Variants in PFKFB3 observed in about 807,000 individuals in gnomAD.
PFKFB3 encodes 6-phosphofructo-2-kinase/fructose-2,6-biphosphatase 3, also known as 6-phosphofructo-2-kinase/fructose-2,6-bisphosphatase 3.
Under a neutral mutation model 68.0 loss-of-function variants are expected in PFKFB3, and 33 were observed. The observed-to-expected ratio is 0.49, with a 90% CI of 0.37 to 0.65. PFKFB3 has a LOEUF of 0.65. Among genes scored for constraint, PFKFB3 ranks in the 30% least tolerant of loss-of-function variants. The pLI is 0.00. For missense variants in PFKFB3, 586 were observed against 712.2 expected, an observed-to-expected ratio of 0.82 and a Z score of 2.02; for synonymous variants, 315 against 288.2, an observed-to-expected ratio of 1.09 and a Z score of -0.94.
intron 1 of PFKFB3, among the ~76,000 whole-genome samples, chr10:6,159,981 A>G (rs1312619732): frequency 1.0e-4 from 15 of 149,762 alleles, no homozygotes; most frequent in African/African-American, 3.4e-4. Flanking sequence ...CTGGTCTTGA[A>G]CTCCTAGACT....
rs913885321 is a variant in PFKFB3, at chr10:6,228,916, C to T, written c.1515+2551C>T. 3.3e-5 allele frequency among the ~76,000 whole-genome samples: 5 copies of T among 152,214 alleles called. No homozygotes were observed. Among genetic ancestry groups the T allele is most frequent in the Non-Finnish European group, 7.3e-5 (5 of 68,036 alleles). ...TGCAGAGTTTCAGGTTCAGCCTTAG[C>T]TCTGGCAGCCACTGGGTAGCTGGGG... On this transcript the variant is annotated intron_variant, in intron 14 of 14. Transcript: ENST00000379775. This position sits in a 1 kb window ranked among gnomAD's most constrained non-coding sequence, Gnocchi z 4.5.
chr10:6,188,002 C>CAT (rs35827719), intron 1 of PFKFB3, among the ~76,000 whole-genome samples: 6,725 of 148,180 alleles, frequency 0.045, 191 homozygotes, highest in Middle Eastern at 0.079. Context: ...TACCTACCTA[C>CAT]ATATATATAT....
intron 1 of PFKFB3, among the ~76,000 whole-genome samples, chr10:6,156,645 GC>G (rs1841809365): frequency 6.7e-6 from 1 of 149,700 alleles, no homozygotes; most frequent in African/African-American, 2.5e-5. Flanking sequence ...CCACCACCAT[GC>G]CCGGCTAATT....
At chr10:6,254,414 C>A (rs1846457044) in exon 15 of PFKFB3, 1 of 398,436 alleles carries the variant, frequency 2.5e-6, no homozygotes, top group Non-Finnish European at 4.4e-6. Context: ...CTGCTGAGGA[C>A]TCTGAGAAGC....
intron 1 of PFKFB3, among the ~76,000 whole-genome samples, chr10:6,211,797 CCTGT>C (rs891912822): frequency 1.1e-4 from 16 of 152,238 alleles, no homozygotes; most frequent in African/African-American, 3.9e-4. Context: ...CTGCTGATAG[CCTGT>C]CTGTCTCCTT....
At chr10:6,312,279 C>T in the PFKFB3 span, among the ~76,000 whole-genome samples, 1 of 151,320 alleles carries the variant, frequency 6.6e-6, no homozygotes, top group Non-Finnish European at 1.5e-5. Context: ...TTCTATCTAC[C>T]AGGATAATTT....
At chr10:6,213,229 G>GA (rs1844346490) in intron 1 of PFKFB3, among the ~76,000 whole-genome samples, 1 of 152,150 alleles carries the variant, frequency 6.6e-6, no homozygotes, top group East Asian at 1.9e-4. Context: ...AGGATGGGGA[G>GA]ATGAAATGAA....
At chr10:6,316,765 G>A in the PFKFB3 span, among the ~76,000 whole-genome samples, 1 of 152,126 alleles carries the variant, frequency 6.6e-6, no homozygotes, top group East Asian at 1.9e-4. Flanking sequence ...ACCTGGCCAA[G>A]CTTTTTCTTA....
chr10:6,155,306 C>A (rs1270863951), intron 1 of PFKFB3, among the ~76,000 whole-genome samples: 1 of 150,926 alleles, frequency 6.6e-6, no homozygotes, highest in African/African-American at 2.4e-5. Context: ...GGGTTCATGC[C>A]ATTCTCCTGC....
At chr10:6,158,986 A>G (rs1841891442) in intron 1 of PFKFB3, among the ~76,000 whole-genome samples, 1 of 152,184 alleles carries the variant, frequency 6.6e-6, no homozygotes, top group Non-Finnish European at 1.5e-5. Flanking sequence ...TACACAGCAC[A>G]AATGCACTTT....
intron 14 of PFKFB3, chr10:6,231,473 A>T: frequency 1.0e-6 from 1 of 984,520 alleles, no homozygotes. Flanking sequence ...TCTGTCTCTC[A>T]CCCCCCACGT....
chr10:6,237,327 G>A (rs937585048), downstream of PFKFB3, among the ~76,000 whole-genome samples: 1 of 152,252 alleles, frequency 6.6e-6, no homozygotes, highest in Non-Finnish European at 1.5e-5. Context: ...GACCTGGCCC[G>A]CAGTGGGCTC....
intron 4 of PFKFB3, 146 bp downstream of exon 4, chr10:6,216,337 A>C (rs2516622): frequency 0.97 from 744,201 of 769,182 alleles, 363,832 homozygotes; most frequent in East Asian, 1. Flanking sequence ...CTCAGGAAGG[A>C]GGATGTGGGG....
At chr10:6,323,602 CAT>C in the PFKFB3 span, among the ~76,000 whole-genome samples, 317 of 152,304 alleles carry the variant, frequency 2.1e-3, 1 homozygote, top group African/African-American at 7.4e-3. Context: ...AAAATTTTCA[CAT>C]ACAGATTGAG....
intron 8 of PFKFB3, 130 bp from the exon 9 acceptor site, chr10:6,221,251 C>T (rs1844936520): frequency 1.4e-5 from 14 of 1,032,016 alleles, no homozygotes; most frequent in Non-Finnish European, 1.5e-5. Context: ...CTGTGGCTGT[C>T]CCAGTGGCCT....
intron 1 of PFKFB3, among the ~76,000 whole-genome samples, chr10:6,146,673 T>G (rs918473552): frequency 6.6e-6 from 1 of 152,222 alleles, no homozygotes; most frequent in African/African-American, 2.4e-5. Context: ...TTCTGTTTAC[T>G]TGTGCGCTCA....
At chr10:6,205,001 T>C (rs1843590004) in intron 1 of PFKFB3, among the ~76,000 whole-genome samples, 1 of 152,222 alleles carries the variant, frequency 6.6e-6, no homozygotes, top group African/African-American at 2.4e-5. Context: ...CCTCCAGGCT[T>C]GGATCCTGAT....
chr10:6,225,549 C>T (rs1845282399), intron 13 of PFKFB3, among the ~76,000 whole-genome samples: 1 of 152,256 alleles, frequency 6.6e-6, no homozygotes, highest in Non-Finnish European at 1.5e-5. Flanking sequence ...ATGATGGAGA[C>T]AGATCCCGGT....
At chr10:6,227,174 A>T (rs1437827376) in intron 14 of PFKFB3, among the ~76,000 whole-genome samples, 1 of 152,120 alleles carries the variant, frequency 6.6e-6, no homozygotes, top group Non-Finnish European at 1.5e-5. Context: ...GTTGTCAGAC[A>T]TTAAGATTTG....
Sources: allele counts gnomAD v4.1 joint callset (sites outside exome capture counted in the v4.1 genomes callset), GRCh38; gene constraint gnomAD v4.1.1; non-coding constraint Gnocchi (gnomAD v3.1); transcripts MANE v1.5; gene names NCBI Gene and HGNC (gene_info 2026-07-23, HGNC 2026-07-21).